FRMD3: variants seen among roughly 807,000 people sequenced by gnomAD.
The protein encoded by FRMD3 is FERM domain containing 3, also known as FERM domain-containing protein 3.
In FRMD3, 33 loss-of-function variants were observed where a neutral mutation model predicts 70.2. The observed-to-expected ratio is 0.47, with a 90% CI of 0.36 to 0.63. The LOEUF (loss-of-function observed/expected upper bound fraction) is 0.63. FRMD3 is among the 20% of genes least tolerant of loss of function. The pLI is 0.00. For missense variants in FRMD3, 632 were observed against 711.4 expected (o/e 0.89, Z 1.27); for synonymous variants, 279 against 255.9 (o/e 1.09, Z -0.86).
At chr9:83,300,652 T>A (rs1055399840) in intron 10 of FRMD3, among the ~76,000 whole-genome samples, 1 of 152,220 alleles carries the variant, frequency 6.6e-6, no homozygotes, top group Non-Finnish European at 1.5e-5. Context: ...AATTCATCCA[T>A]GTAATTGAAA....
At position 83,483,213 on chromosome 9, in the gene FRMD3, C is replaced by T. The variant is rs557329638; in HGVS notation, c.147+54872G>A. On this transcript the variant is annotated intron_variant, in intron 1 of 13. Coordinates refer to ENST00000304195, the MANE Select transcript of FRMD3 (RefSeq NM_174938.6). ...ATCTGGTTGTTTTTAAATTGTGTAGCGCTTCCCCCTTTGCTCTTTTCCTCC... is the reference window on the plus strand; with the variant it reads ...ATCTGGTTGTTTTTAAATTGTGTAGTGCTTCCCCCTTTGCTCTTTTCCTCC... Among the ~76,000 whole-genome samples the T allele has an allele frequency of 5.3e-5, 8 of 152,218 alleles. No individual in the cohort carries two copies. The East Asian group carries it at 1.4e-3, about 26-fold the overall frequency.
At position 83,484,447 on chromosome 9, in the gene FRMD3, T is replaced by C. The variant is rs555263355; in HGVS notation, c.147+53638A>G. On this transcript the variant is annotated intron_variant, in intron 1 of 13. Transcript: ENST00000304195. ...TTCTTTTTGTGTGTGTGGCAGGGTC[T>C]CACTCTGTCACCCAGGCTGGAGTGC... Among the ~76,000 whole-genome samples, 224 of 152,308 alleles carry C rather than the reference T, an allele frequency of 1.5e-3. 1 individual carries two copies. The highest frequency in any genetic ancestry group is 5.2e-3 in the African/African-American group (217 of 41,558).
At chr9:83,407,878 T>TCTCTCTCTCTC (rs1826164799) in intron 1 of FRMD3, among the ~76,000 whole-genome samples, 2 of 89,048 alleles carry the variant, frequency 2.2e-5, no homozygotes, top group Non-Finnish European at 4.2e-5. Flanking sequence ...TCTCTCATCT[T>TCTCTCTCTCTC]TCTCTCTCTC....
At chr9:83,248,847 G>A (rs556879687) in intron 13 of FRMD3, among the ~76,000 whole-genome samples, 1 of 152,166 alleles carries the variant, frequency 6.6e-6, no homozygotes, top group South Asian at 2.1e-4. Context: ...ATAATTATGA[G>A]CACTGTTTTT....
chr9:83,429,941 A>T (rs1348351571), intron 1 of FRMD3, among the ~76,000 whole-genome samples: 1 of 152,172 alleles, frequency 6.6e-6, no homozygotes, highest in East Asian at 1.9e-4. Flanking sequence ...ACCCCAGATC[A>T]CAGAGAACCC....
intron 13 of FRMD3, among the ~76,000 whole-genome samples, chr9:83,250,942 T>G (rs879895541): frequency 9.2e-5 from 14 of 152,170 alleles, no homozygotes; most frequent in Non-Finnish European, 1.9e-4. Flanking sequence ...CTGCCTGCTT[T>G]GGAAACAGAG....
intron 1 of FRMD3, among the ~76,000 whole-genome samples, chr9:83,479,849 C>T (rs559503524): frequency 4.0e-5 from 6 of 150,988 alleles, no homozygotes; most frequent in Admixed American, 3.3e-4. Flanking sequence ...AAAAGCTAAT[C>T]GCAATCAGTA....
At chr9:83,439,773 T>C (rs2131391811) in intron 1 of FRMD3, among the ~76,000 whole-genome samples, 1 of 152,350 alleles carries the variant, frequency 6.6e-6, no homozygotes, top group African/African-American at 2.4e-5. Context: ...AAACTTTCCC[T>C]GTGGGCAATG....
At chr9:83,563,783 G>A in the FRMD3 span, among the ~76,000 whole-genome samples, 1 of 152,146 alleles carries the variant, frequency 6.6e-6, no homozygotes, top group African/African-American at 2.4e-5. Flanking sequence ...TGGGGCTGGG[G>A]AAGACTGGTC....
chr9:83,342,042 C>CCTCT (rs1564024659), intron 5 of FRMD3, among the ~76,000 whole-genome samples: 2 of 59,412 alleles, frequency 3.4e-5, no homozygotes, highest in Admixed American at 3.7e-4. Context: ...TTGACATAGT[C>CCTCT]ATCTCTCTCT....
chr9:83,347,150 A>C (rs1385635001), intron 4 of FRMD3, among the ~76,000 whole-genome samples: 1 of 152,244 alleles, frequency 6.6e-6, no homozygotes, highest in East Asian at 1.9e-4. Context: ...TCAATTTGGC[A>C]AGAGCTTCCT....
At chr9:83,403,251 C>A (rs1208113769) in intron 1 of FRMD3, among the ~76,000 whole-genome samples, 1 of 152,068 alleles carries the variant, frequency 6.6e-6, no homozygotes, top group Non-Finnish European at 1.5e-5. Context: ...CAGGCCAAAC[C>A]CATAAGGCAC....
At chr9:83,297,122 A>C (rs531683967) in intron 12 of FRMD3, among the ~76,000 whole-genome samples, 1 of 152,386 alleles carries the variant, frequency 6.6e-6, no homozygotes, top group South Asian at 2.1e-4. Context: ...AAAGATGGTA[A>C]CTTTGAGACT....
chr9:83,437,898 G>T (rs113873255), intron 1 of FRMD3, among the ~76,000 whole-genome samples: 2 of 152,288 alleles, frequency 1.3e-5, no homozygotes, highest in East Asian at 3.9e-4. Flanking sequence ...AGCTAAGTGA[G>T]CGAAGCAGGG....
chr9:83,346,661 T>C (rs149224276), intron 4 of FRMD3, among the ~76,000 whole-genome samples: 25 of 152,336 alleles, frequency 1.6e-4, no homozygotes, highest in African/African-American at 5.3e-4. Flanking sequence ...AACTGTACAC[T>C]TCAATATCTG....
the FRMD3 span, among the ~76,000 whole-genome samples, chr9:83,554,279 T>C: frequency 6.6e-6 from 1 of 152,122 alleles, no homozygotes. Context: ...AAAGTGTGGG[T>C]TCCTCTCCAC....
At chr9:83,443,608 C>T (rs1827371093) in intron 1 of FRMD3, among the ~76,000 whole-genome samples, 2 of 152,178 alleles carry the variant, frequency 1.3e-5, no homozygotes, top group Admixed American at 1.3e-4. Context: ...CATACATGTG[C>T]ATGTGTCTTT....
chr9:83,365,788 G>C (rs1003294876), intron 3 of FRMD3, among the ~76,000 whole-genome samples: 2 of 152,210 alleles, frequency 1.3e-5, no homozygotes, highest in Non-Finnish European at 1.5e-5. Context: ...TTTAGGCAGA[G>C]AGGAAGCCTT....
intron 3 of FRMD3, among the ~76,000 whole-genome samples, chr9:83,372,316 T>C (rs775003933): frequency 4.9e-4 from 74 of 150,912 alleles, no homozygotes; most frequent in Non-Finnish European, 8.7e-4. Flanking sequence ...TAGAGAGATG[T>C]TGTTATCCAA....
Sources: allele counts gnomAD v4.1 joint callset (sites outside exome capture counted in the v4.1 genomes callset), GRCh38; gene constraint gnomAD v4.1.1; transcripts MANE v1.5; gene names NCBI Gene and HGNC (gene_info 2026-07-23, HGNC 2026-07-21).